The following GRIK2 variants were observed in gnomAD, a reference collection of about 807,000 sequenced individuals.
GRIK2 encodes glutamate ionotropic receptor kainate type subunit 2, also known as glutamate receptor ionotropic, kainate 2.
In GRIK2, 32 loss-of-function variants were observed where a neutral mutation model predicts 100.3. The observed-to-expected ratio is 0.32, with a 90% confidence interval of 0.24 to 0.43. The LOEUF (loss-of-function observed/expected upper bound fraction) is 0.43. GRIK2 is among the 20% of genes least tolerant of loss of function. The pLI is 1.00. For synonymous variants in GRIK2, 417 were observed against 389.4 expected, an observed-to-expected ratio of 1.07 and a Z score of -0.83; for missense variants, 843 against 1,114.9, an observed-to-expected ratio of 0.76 and a Z score of 3.47.
intron 7 of GRIK2, among the ~76,000 whole-genome samples, chr6:101,762,166 CTG>C (rs1359555222): frequency 2.4e-4 from 35 of 145,254 alleles, no homozygotes; most frequent in African/African-American, 8.9e-4. Context: ...GTCTCTGTCT[CTG>C]TCTCTCTCTC....
intron 2 of GRIK2, among the ~76,000 whole-genome samples, chr6:101,417,477 C>A (rs1776207567): frequency 6.6e-6 from 1 of 152,178 alleles, no homozygotes; most frequent in Admixed American, 6.5e-5. Flanking sequence ...GGTGTTGCTG[C>A]TCTGTGCCCT....
chr6:101,579,849 TAAA>T (rs756184787), intron 2 of GRIK2, among the ~76,000 whole-genome samples: 6 of 128,898 alleles, frequency 4.7e-5, no homozygotes, highest in African/African-American at 5.8e-5. Context: ...GACTGTGTCT[TAAA>T]AAAAAAAAAA....
chr6:101,549,579 A>C (rs563650949), intron 2 of GRIK2, among the ~76,000 whole-genome samples: 1 of 152,046 alleles, frequency 6.6e-6, no homozygotes, highest in Non-Finnish European at 1.5e-5. Context: ...TCTGATTTTA[A>C]TGCAGCAATT....
At chr6:101,505,516 G>C (rs891160436) in intron 2 of GRIK2, among the ~76,000 whole-genome samples, 10 of 152,058 alleles carry the variant, frequency 6.6e-5, no homozygotes, top group Admixed American at 5.9e-4. Context: ...TATTATACCA[G>C]ACATGGAAAA....
chr6:101,686,169 T>C lies in GRIK2; in HGVS notation c.778-11T>C, dbSNP rs907517464. 1 of 1,602,692 alleles carries C rather than the reference T, an allele frequency of 6.2e-7. No individual in the cohort carries two copies. Among genetic ancestry groups the C allele is most frequent in the East Asian group, 2.2e-5 (1 of 44,712 alleles). On this transcript the variant is annotated splice_polypyrimidine_tract_variant and intron_variant, in intron 6 of 16. Transcript: ENST00000369134. ...GTCCATAATAACAACACAATAACAT[T>C]TGTCTTTCAGGACCTCTTTGCTCTT...
At chr6:101,465,691 C>T (rs1456486209) in intron 2 of GRIK2, among the ~76,000 whole-genome samples, 3 of 152,158 alleles carry the variant, frequency 2.0e-5, no homozygotes, top group Non-Finnish European at 2.9e-5. Context: ...CCAGGTACCA[C>T]ACTGACAAGA....
At chr6:101,450,651 G>T (rs1249621706) in intron 2 of GRIK2, among the ~76,000 whole-genome samples, 1 of 151,580 alleles carries the variant, frequency 6.6e-6, no homozygotes, top group Non-Finnish European at 1.5e-5. Flanking sequence ...CTACATAATA[G>T]AGTTCATCCT....
At chr6:101,636,056 G>A (rs2128322267) in intron 4 of GRIK2, among the ~76,000 whole-genome samples, 1 of 152,262 alleles carries the variant, frequency 6.6e-6, no homozygotes, top group Non-Finnish European at 1.5e-5. Flanking sequence ...GCACACGTAT[G>A]TTTATTGCAG....
intron 2 of GRIK2, among the ~76,000 whole-genome samples, chr6:101,445,156 AGG>A (rs2128247311): frequency 6.6e-6 from 1 of 152,124 alleles, no homozygotes; most frequent in Admixed American, 6.6e-5. Context: ...CAATAACTTA[AGG>A]ACTTGGTTTA....
intron 14 of GRIK2, among the ~76,000 whole-genome samples, chr6:101,973,108 C>T (rs74734839): frequency 0.054 from 8,192 of 151,722 alleles, 507 homozygotes; most frequent in East Asian, 0.33. Flanking sequence ...ATTAGTGAGC[C>T]AGTGTTACTA....
At chr6:101,986,663 C>T (rs1003039162) in intron 14 of GRIK2, among the ~76,000 whole-genome samples, 22 of 151,748 alleles carry the variant, frequency 1.4e-4, no homozygotes, top group African/African-American at 4.6e-4. Flanking sequence ...CATGAACTGA[C>T]GGAACTGTGG....
intron 11 of GRIK2, among the ~76,000 whole-genome samples, chr6:101,865,373 G>T (rs1784985407): frequency 6.6e-6 from 1 of 152,042 alleles, no homozygotes; most frequent in Non-Finnish European, 1.5e-5. Context: ...CTTTGCTTTT[G>T]CCTCCTGATT....
chr6:101,525,727 C>T (rs149891144), intron 2 of GRIK2, among the ~76,000 whole-genome samples: 4 of 152,076 alleles, frequency 2.6e-5, no homozygotes, highest in Admixed American at 1.3e-4. Context: ...AAAATAAGTT[C>T]GCTGTGAATT....
At chr6:101,559,278 A>AT (rs1176260608) in intron 2 of GRIK2, among the ~76,000 whole-genome samples, 1 of 152,028 alleles carries the variant, frequency 6.6e-6, no homozygotes, top group East Asian at 1.9e-4. Flanking sequence ...AGTCTAAGTT[A>AT]TTTTTTCAAA....
intron 7 of GRIK2, among the ~76,000 whole-genome samples, chr6:101,733,590 GTTCTCTTCAGAA>G (rs1775424509): frequency 6.6e-6 from 1 of 151,218 alleles, no homozygotes; most frequent in African/African-American, 2.4e-5. Context: ...CATCTTTAAT[GTTCTCTTCAGAA>G]CAAGCTTTCT....
At chr6:101,936,008 A>G (rs1582570398) in intron 14 of GRIK2, among the ~76,000 whole-genome samples, 1 of 152,102 alleles carries the variant, frequency 6.6e-6, no homozygotes, top group Non-Finnish European at 1.5e-5. Context: ...TTTAGGACAC[A>G]TAGAAACTTT....
Position 101,399,354 on chromosome 6 carries a change from T to C in GRIK2, c.77T>C (p.Ile26Thr), listed in dbSNP as rs1418093864. Residue 26 changes from isoleucine to threonine, a missense_variant, in exon 2 of 17, where the codon ATT becomes ACT. Around this residue, in one of 3 missense-constraint regions of GRIK2, gnomAD observed 519 missense variants for 643.8 expected, o/e 0.81. Coordinates refer to ENST00000369134, the MANE Select transcript of GRIK2 (RefSeq NM_021956.5). ...TVKLLLCLLW[I>T]GYSQGTTHVL... ...AAACTCCTGCTCTGTTTACTGTGGA[T>C]TGGATATTCTCAAGGAACCACACAT... 2 of 1,584,748 alleles carry C rather than the reference T, an allele frequency of 1.3e-6. No individual in the cohort carries two copies. The highest frequency in any genetic ancestry group is 1.1e-5 in the South Asian group (1 of 90,428).
At chr6:101,640,396 G>A (rs1391031942) in intron 4 of GRIK2, among the ~76,000 whole-genome samples, 2 of 152,172 alleles carry the variant, frequency 1.3e-5, no homozygotes, top group Non-Finnish European at 2.9e-5. Context: ...TTCACTTCCA[G>A]GTGGATGCAT....
intron 2 of GRIK2, among the ~76,000 whole-genome samples, chr6:101,470,414 C>G (rs1051029823): frequency 1.3e-5 from 2 of 152,130 alleles, no homozygotes; most frequent in African/African-American, 4.8e-5. Flanking sequence ...ACATCTCTTT[C>G]CAATTTCTTT....
Sources: allele counts gnomAD v4.1 joint callset (sites outside exome capture counted in the v4.1 genomes callset), GRCh38; gene constraint gnomAD v4.1.1; regional missense constraint gnomAD v4.1.1; transcripts MANE v1.5; gene names NCBI Gene and HGNC (gene_info 2026-07-23, HGNC 2026-07-21).